The following ZEB1 variants were observed in gnomAD, a reference collection of about 807,000 sequenced individuals.
ZEB1 encodes the protein zinc finger E-box-binding homeobox 1.
ZEB1 carries 21 observed loss-of-function variants against 84.9 expected under a neutral mutation model. The observed-to-expected ratio is 0.25, with a 90% confidence interval of 0.18 to 0.36. The LOEUF (loss-of-function observed/expected upper bound fraction) is 0.36. Ranked by LOEUF, ZEB1 falls within the 10% of genes least tolerant of loss-of-function variation. ZEB1 has a pLI of 1.00. For missense variants in ZEB1, 1,104 were observed against 1,330.2 expected (o/e 0.83, Z 2.65); for synonymous variants, 420 against 471.1 (o/e 0.89, Z 1.41).
chr10:31,474,185 G>T (rs999757907), intron 2 of ZEB1, among the ~76,000 whole-genome samples: 5 of 152,082 alleles, frequency 3.3e-5, no homozygotes, highest in Non-Finnish European at 5.9e-5. Flanking sequence ...AAAAGCAATG[G>T]CAACAAAAGC....
chr10:31,439,498 G>A (rs1354884113), intron 1 of ZEB1, among the ~76,000 whole-genome samples: 1 of 152,096 alleles, frequency 6.6e-6, no homozygotes, highest in Non-Finnish European at 1.5e-5. Context: ...TTTATCTAGG[G>A]ATTAGTATCT....
chr10:31,493,740 T>C (rs748083097), intron 2 of ZEB1, among the ~76,000 whole-genome samples: 2 of 151,958 alleles, frequency 1.3e-5, no homozygotes, highest in Non-Finnish European at 2.9e-5. Context: ...TAGGATGTTG[T>C]CTGTTTTCAT....
chr10:31,494,436 A>G (rs2066952361), intron 2 of ZEB1, among the ~76,000 whole-genome samples: 1 of 152,080 alleles, frequency 6.6e-6, no homozygotes, highest in Non-Finnish European at 1.5e-5. Context: ...GTTAATGAGT[A>G]AAGAAAATCT....
chr10:31,413,519 G>A lies in ZEB1; in HGVS notation c.59-47518G>A, dbSNP rs75827319. 1.9e-3 allele frequency among the ~76,000 whole-genome samples: 291 copies of A among 152,172 alleles called. 1 individual carries two copies. Among genetic ancestry groups the A allele is most frequent in the African/African-American group, 6.0e-3 (249 of 41,512 alleles). ...TTGGTCGTAGACTGGTAGTGGTGTA[G>A]AAATAGAAAGCAAAACCTATTGGAC... On this transcript the variant is annotated intron_variant, in intron 1 of 8. Transcript: ENST00000424869.
At chr10:31,426,753 A>G (rs1045373658) in intron 1 of ZEB1, among the ~76,000 whole-genome samples, 1 of 152,184 alleles carries the variant, frequency 6.6e-6, no homozygotes, top group African/African-American at 2.4e-5. Flanking sequence ...AACACCTCTC[A>G]TAGGTGAGCC....
chr10:31,499,558 A>G (rs889273256), intron 3 of ZEB1, among the ~76,000 whole-genome samples: 2 of 152,148 alleles, frequency 1.3e-5, no homozygotes, highest in Non-Finnish European at 2.9e-5. Context: ...ATTTTGAGGA[A>G]TTCTATAAAA....
chr10:31,454,976 C>T (rs1472408533), intron 1 of ZEB1, among the ~76,000 whole-genome samples: 1 of 152,158 alleles, frequency 6.6e-6, no homozygotes, highest in East Asian at 1.9e-4. Context: ...GCAAGAAGAA[C>T]AAAGCTGGAG....
chr10:31,382,302 A>G (rs1431032580), intron 1 of ZEB1, among the ~76,000 whole-genome samples: 1 of 152,204 alleles, frequency 6.6e-6, no homozygotes, highest in Non-Finnish European at 1.5e-5. Flanking sequence ...TGAGTGGAAC[A>G]TGCTATCTAT....
chr10:31,423,810 C>G (rs2056552315), intron 1 of ZEB1, among the ~76,000 whole-genome samples: 2 of 151,996 alleles, frequency 1.3e-5, no homozygotes, highest in Admixed American at 6.6e-5. Flanking sequence ...TACTTGTTAT[C>G]AGTTGTTCTT....
intron 4 of ZEB1, among the ~76,000 whole-genome samples, 193 bp from the exon 5 acceptor site, chr10:31,510,480 T>C (rs2069781630): frequency 6.6e-6 from 1 of 152,240 alleles, no homozygotes; most frequent in Non-Finnish European, 1.5e-5. Context: ...ACTTTTCTTT[T>C]AAGTTATTTA....
intron 1 of ZEB1, chr10:31,319,564 A>G (rs1213288508): frequency 4.7e-6 from 2 of 427,756 alleles, no homozygotes; most frequent in Non-Finnish European, 8.1e-6. Context: ...GCCTCCCTGG[A>G]CCGTTAGCCG....
intron 1 of ZEB1, among the ~76,000 whole-genome samples, chr10:31,430,796 G>A (rs950984482): frequency 1.3e-5 from 2 of 152,162 alleles, no homozygotes; most frequent in African/African-American, 4.8e-5. Flanking sequence ...TGTTTAGAAT[G>A]AACTTACATA....
chr10:31,377,244 A>G (rs561066928), intron 1 of ZEB1, among the ~76,000 whole-genome samples: 2 of 151,770 alleles, frequency 1.3e-5, no homozygotes, highest in East Asian at 3.9e-4. Context: ...CTAGCTATTA[A>G]TATAGTATCA....
intron 1 of ZEB1, chr10:31,319,947 CGTGTGCGCGG>C (rs2033370437): frequency 2.0e-5 from 3 of 147,984 alleles, no homozygotes; most frequent in African/African-American, 2.5e-5. Context: ...TTTGTGCGCG[CGTGTGCGCGG>C]GCGCCGGCTG....
At chr10:31,428,043 T>C (rs533133201) in intron 1 of ZEB1, among the ~76,000 whole-genome samples, 1 of 152,320 alleles carries the variant, frequency 6.6e-6, no homozygotes, top group Non-Finnish European at 1.5e-5. Context: ...ATCTTTTGAA[T>C]GTTTTTTCTT....
At chr10:31,387,088 C>T (rs1173881849) in intron 1 of ZEB1, 1 of 985,438 alleles carries the variant, frequency 1.0e-6, no homozygotes, top group Non-Finnish European at 1.2e-6. Context: ...ATAGTTTGAT[C>T]CCAGTATAAT....
intron 1 of ZEB1, among the ~76,000 whole-genome samples, chr10:31,374,416 T>A (rs2046249277): frequency 6.6e-6 from 1 of 151,864 alleles, no homozygotes; most frequent in Non-Finnish European, 1.5e-5. Flanking sequence ...CTTTAGTCCC[T>A]CTGTCTAGTA....
chr10:31,411,364 G>C (rs545822183), intron 1 of ZEB1, among the ~76,000 whole-genome samples: 8 of 152,306 alleles, frequency 5.3e-5, no homozygotes, highest in Non-Finnish European at 1.2e-4. Flanking sequence ...AGTTAAAGCA[G>C]CTCACGCCTG....
chr10:31,440,270 A>G (rs955693788), intron 1 of ZEB1, among the ~76,000 whole-genome samples: 20 of 152,192 alleles, frequency 1.3e-4, no homozygotes, highest in Non-Finnish European at 1.6e-4. Context: ...ATTTCCCATT[A>G]GAAATCCAAG....
Sources: allele counts gnomAD v4.1 joint callset (sites outside exome capture counted in the v4.1 genomes callset), GRCh38; gene constraint gnomAD v4.1.1; transcripts MANE v1.5; gene names NCBI Gene and HGNC (gene_info 2026-07-23, HGNC 2026-07-21).